NRG1: variants seen among roughly 807,000 people sequenced by gnomAD.
The protein encoded by NRG1 is neuregulin 1, also known as pro-neuregulin-1, membrane-bound isoform.
In NRG1, 18 loss-of-function variants were observed where a neutral mutation model predicts 63.8. The observed-to-expected ratio is 0.28, with a 90% CI of 0.19 to 0.42. The LOEUF is 0.42. NRG1 is among the 10% of genes least tolerant of loss of function. The probability of loss-of-function intolerance (pLI) is 1.00; values close to 1 mark genes in which losing one functional copy is unlikely to be tolerated. For synonymous variants in NRG1, 302 were observed against 301.3 expected (o/e 1.00, Z -0.02); for missense variants, 762 against 814.7 (o/e 0.94, Z 0.79).
rs985185716 is a variant in NRG1, at chr8:32,356,486, C to A, written c.38-239342C>A. On this transcript the variant is annotated intron_variant, in intron 1 of 10. Transcript: ENST00000519301. ...TTTCCTTGTTGGGACCCCCCCCCCA[C>A]CCGCCGGGCCCCACCCCGTTGATAT... 2.9e-4 allele frequency among the ~76,000 whole-genome samples: 14 copies of A among 48,054 alleles called. No homozygotes were observed. In the East Asian group the frequency reaches 9.1e-3, roughly 31 times the overall value. 31.5% of individuals were successfully genotyped at this position (48,054 alleles called of 152,430 possible). A position where few individuals can be genotyped will look rare whatever the true frequency, so the allele number is the denominator to read the frequency against.
chr8:32,747,732 G>GTATATATATATATATACATATA (rs1827731057), intron 7 of NRG1, among the ~76,000 whole-genome samples: 1 of 132,122 alleles, frequency 7.6e-6, no homozygotes, highest in African/African-American at 3.0e-5. Context: ...ATGTGTGTGT[G>GTATATATATATATATACATATA]TATATATATA....
At chr8:32,474,800 G>C (rs577263348) in intron 1 of NRG1, among the ~76,000 whole-genome samples, 5 of 151,986 alleles carry the variant, frequency 3.3e-5, no homozygotes, top group Non-Finnish European at 5.9e-5. Flanking sequence ...CACTGTGCCC[G>C]GCCGATATTC....
At chr8:32,339,630 A>G (rs1296005728) in intron 1 of NRG1, among the ~76,000 whole-genome samples, 1 of 152,196 alleles carries the variant, frequency 6.6e-6, no homozygotes, top group Non-Finnish European at 1.5e-5. Context: ...CTTTATTTAC[A>G]TGCTTTATCT....
intron 11 of NRG1, among the ~76,000 whole-genome samples, chr8:32,761,231 G>A (rs1160192985): frequency 2.6e-5 from 4 of 152,220 alleles, no homozygotes; most frequent in Non-Finnish European, 5.9e-5. Context: ...TAGCCCATCA[G>A]TAAGCTGTTA....
downstream of NRG1, among the ~76,000 whole-genome samples, chr8:32,770,078 C>A (rs1017142744): frequency 6.6e-6 from 1 of 152,058 alleles, no homozygotes; most frequent in South Asian, 2.1e-4. Context: ...TTCAAATGAA[C>A]TTATTGGAAC....
intron 1 of NRG1, among the ~76,000 whole-genome samples, chr8:32,533,139 A>T (rs1831625423): frequency 6.6e-6 from 1 of 151,984 alleles, no homozygotes; most frequent in Non-Finnish European, 1.5e-5. Context: ...TTTCCTGTGT[A>T]TATATAATAT....
intron 1 of NRG1, among the ~76,000 whole-genome samples, chr8:32,574,228 G>A (rs547658283): frequency 6.6e-6 from 1 of 152,202 alleles, no homozygotes; most frequent in East Asian, 1.9e-4. Flanking sequence ...ATCTGGTTGG[G>A]TAGATGCAAT....
chr8:32,129,442 T>C (rs1834520088), intron 1 of NRG1, among the ~76,000 whole-genome samples: 1 of 151,956 alleles, frequency 6.6e-6, no homozygotes, highest in African/African-American at 2.4e-5. Flanking sequence ...TTTGTTGTCA[T>C]ATAGCATTCC....
intron 1 of NRG1, among the ~76,000 whole-genome samples, chr8:32,342,448 C>T (rs1177597564): frequency 6.6e-6 from 1 of 152,154 alleles, no homozygotes; most frequent in Non-Finnish European, 1.5e-5. Flanking sequence ...TACAGCAACA[C>T]AATACATTTC....
chr8:32,662,682 G>A (rs899447258), intron 5 of NRG1, among the ~76,000 whole-genome samples: 2 of 152,252 alleles, frequency 1.3e-5, no homozygotes, highest in Non-Finnish European at 2.9e-5. Flanking sequence ...ATTAGATTCT[G>A]AATATATTTT....
At chr8:31,802,758 A>G (rs1330519605) in intron 1 of NRG1, among the ~76,000 whole-genome samples, 1 of 152,214 alleles carries the variant, frequency 6.6e-6, no homozygotes, top group Non-Finnish European at 1.5e-5. Context: ...TTGGAAAAAT[A>G]GCATTTGAGT....
At chr8:31,850,289 G>C (rs746901882) in intron 1 of NRG1, among the ~76,000 whole-genome samples, 18 of 152,250 alleles carry the variant, frequency 1.2e-4, no homozygotes, top group African/African-American at 4.3e-4. Context: ...TTTTGCCATG[G>C]GATGATGGCA....
chr8:32,203,175 T>C (rs1204736329), intron 1 of NRG1, among the ~76,000 whole-genome samples: 2 of 149,368 alleles, frequency 1.3e-5, no homozygotes, highest in African/African-American at 4.9e-5. Flanking sequence ...TTGGGGAACT[T>C]TAAGCAAGCC....
At chr8:32,647,802 C>G in intron 5 of NRG1, 1 of 1,613,874 alleles carries the variant, frequency 6.2e-7, no homozygotes, top group Non-Finnish European at 8.5e-7. Flanking sequence ...AGACCCATCT[C>G]TTGATGGGCT....
chr8:32,735,402 G>T (rs545105074), intron 6 of NRG1, among the ~76,000 whole-genome samples: 1 of 152,172 alleles, frequency 6.6e-6, no homozygotes, highest in East Asian at 1.9e-4. Flanking sequence ...ATGTATACAA[G>T]TACAAATTGT....
intron 1 of NRG1, among the ~76,000 whole-genome samples, chr8:32,468,721 A>AG (rs1466944804): frequency 1.8e-5 from 1 of 55,800 alleles, no homozygotes; most frequent in African/African-American, 9.5e-5. Context: ...TTAACATTAC[A>AG]GTTTTTTTTT....
intron 1 of NRG1, among the ~76,000 whole-genome samples, chr8:32,113,288 C>G (rs1832277885): frequency 6.6e-6 from 1 of 152,170 alleles, no homozygotes; most frequent in African/African-American, 2.4e-5. Context: ...TTATTTCCCT[C>G]TTTTCTCCTT....
chr8:32,445,001 G>T (rs574440985), intron 1 of NRG1, among the ~76,000 whole-genome samples: 15 of 152,290 alleles, frequency 9.8e-5, no homozygotes, highest in African/African-American at 2.4e-5. Context: ...AGAATTTGGG[G>T]AGGAAAGTAG....
chr8:32,561,677 T>C (rs1836428481), intron 1 of NRG1, among the ~76,000 whole-genome samples: 1 of 152,198 alleles, frequency 6.6e-6, no homozygotes. Flanking sequence ...CTCGCTTGCA[T>C]CTGTGAGCCA....
Sources: allele counts gnomAD v4.1 joint callset (sites outside exome capture counted in the v4.1 genomes callset), GRCh38; gene constraint gnomAD v4.1.1; transcripts MANE v1.5; gene names NCBI Gene and HGNC (gene_info 2026-07-23, HGNC 2026-07-21).